The following SCUBE1 variants were observed in gnomAD, a reference collection of about 807,000 sequenced individuals.
SCUBE1 encodes signal peptide, CUB domain and EGF like domain containing 1.
In SCUBE1, 59 loss-of-function variants were observed where a neutral mutation model predicts 124.4. The observed-to-expected ratio is 0.47, with a 90% CI of 0.38 to 0.59. SCUBE1 has a LOEUF of 0.59. Among genes scored for constraint, SCUBE1 ranks in the 20% least tolerant of loss-of-function variants. The probability of loss-of-function intolerance (pLI) is 0.00; values close to 1 mark genes in which losing one functional copy is unlikely to be tolerated. For missense variants in SCUBE1, 1,150 were observed against 1,371.2 expected (o/e 0.84, Z 2.55); for synonymous variants, 545 against 550.9 (o/e 0.99, Z 0.15).
chr22:43,243,762 G>C (rs1923098276), intron 6 of SCUBE1, among the ~76,000 whole-genome samples: 1 of 152,214 alleles, frequency 6.6e-6, no homozygotes, highest in Non-Finnish European at 1.5e-5. Context: ...GTAGCATGGA[G>C]ATGATCATAT....
At position 43,281,650 on chromosome 22, in the gene SCUBE1, G is replaced by A. The variant is rs551551732; in HGVS notation, c.484+9396C>T. Among the ~76,000 whole-genome samples the A allele has an allele frequency of 1.2e-4, 18 of 149,124 alleles. 1 individual carries two copies. The highest frequency in any genetic ancestry group is 1.2e-4 in the Non-Finnish European group (8 of 67,812). ...TGTCACCTCCCCTGGCCATCCTCCCGTCGTCTCCCCCTCAGCCATCCTGCC... is the reference window on the plus strand; with the variant it reads ...TGTCACCTCCCCTGGCCATCCTCCCATCGTCTCCCCCTCAGCCATCCTGCC... On this transcript the variant is annotated intron_variant, in intron 4 of 21. Transcript: ENST00000360835.
At chr22:43,330,626 C>T (rs770531620) in intron 2 of SCUBE1, among the ~76,000 whole-genome samples, 27 of 152,244 alleles carry the variant, frequency 1.8e-4, no homozygotes, top group Non-Finnish European at 3.2e-4. Context: ...CCAGTGCACA[C>T]ACATTTTACG....
chr22:43,313,337 T>C (rs1926234765), intron 3 of SCUBE1, among the ~76,000 whole-genome samples: 1 of 152,194 alleles, frequency 6.6e-6, no homozygotes. Context: ...AAATTCAAAC[T>C]GTGAGCAACT....
chr22:43,283,133 A>C (rs998436139), intron 4 of SCUBE1: 4 of 152,358 alleles, frequency 2.6e-5, no homozygotes, highest in African/African-American at 9.6e-5. Flanking sequence ...GCACATGTAG[A>C]TTTGGGGACC....
In SCUBE1 at chr22:43,279,380, G is replaced by C. The variant is rs534271984; in HGVS notation, c.484+11666C>G. 3.7e-4 allele frequency among the ~76,000 whole-genome samples: 57 copies of C among 152,312 alleles called. 1 individual carries two copies. Among genetic ancestry groups the C allele is most frequent in the African/African-American group, 1.2e-3 (51 of 41,570 alleles). ...GCAGGGCCTCACCTCCAACCACTTA[G>C]GAGGCTGAGTGCCAGCAGGAAAGAA... On this transcript the variant is annotated intron_variant, in intron 4 of 21. Transcript: ENST00000360835.
At chr22:43,217,023 TCCCCACC>T in intron 15 of SCUBE1, among the ~76,000 whole-genome samples, 1 of 56,240 alleles carries the variant, frequency 1.8e-5, no homozygotes, top group Non-Finnish European at 3.1e-5. Flanking sequence ...ACCAACAGCT[TCCCCACC>T]CCGCCAGGTG....
intron 4 of SCUBE1, among the ~76,000 whole-genome samples, chr22:43,271,266 C>T (rs1924282416): frequency 6.6e-6 from 1 of 152,190 alleles, no homozygotes; most frequent in Non-Finnish European, 1.5e-5. Flanking sequence ...CACATTGTCT[C>T]CCTCCCTCCA....
intron 2 of SCUBE1, among the ~76,000 whole-genome samples, chr22:43,334,768 T>A (rs955252720): frequency 6.6e-6 from 1 of 152,230 alleles, no homozygotes; most frequent in African/African-American, 2.4e-5. Context: ...AGTGCTTATA[T>A]ACAGCATCAT....
At chr22:43,333,022 C>T (rs1320006643) in intron 2 of SCUBE1, among the ~76,000 whole-genome samples, 1 of 152,202 alleles carries the variant, frequency 6.6e-6, no homozygotes. Context: ...GGTCCCAGAT[C>T]CGGTCTTTGA....
intron 1 of SCUBE1, among the ~76,000 whole-genome samples, chr22:43,341,275 G>A (rs867594572): frequency 1.3e-5 from 2 of 152,336 alleles, no homozygotes; most frequent in African/African-American, 4.8e-5. Context: ...TGGGCCAGCA[G>A]GAACATCCAT....
intron 3 of SCUBE1, among the ~76,000 whole-genome samples, chr22:43,319,554 A>C (rs1168367429): frequency 9.2e-6 from 1 of 108,944 alleles, no homozygotes; most frequent in Non-Finnish European, 1.9e-5. Flanking sequence ...GCAAGACTCC[A>C]TCTCAAAAAA....
intron 6 of SCUBE1, among the ~76,000 whole-genome samples, chr22:43,254,477 G>A (rs1304169707): frequency 6.6e-6 from 1 of 152,164 alleles, no homozygotes; most frequent in East Asian, 1.9e-4. Flanking sequence ...GGACCTTTAG[G>A]CTCTGACCTT....
chr22:43,248,006 C>A (rs1033838293), intron 6 of SCUBE1, among the ~76,000 whole-genome samples: 2 of 152,182 alleles, frequency 1.3e-5, no homozygotes, highest in Non-Finnish European at 2.9e-5. Flanking sequence ...GGCCAAGAAA[C>A]CTAGGGGAGG....
intron 3 of SCUBE1, among the ~76,000 whole-genome samples, chr22:43,311,135 C>A (rs555895337): frequency 2.0e-4 from 31 of 152,306 alleles, no homozygotes; most frequent in African/African-American, 7.5e-4. Flanking sequence ...TCCTACCCTA[C>A]CCAATGCTGT....
chr22:43,221,610 G>A (rs1482308173), intron 12 of SCUBE1, among the ~76,000 whole-genome samples: 1 of 152,220 alleles, frequency 6.6e-6, no homozygotes, highest in Non-Finnish European at 1.5e-5. Context: ...CTTTAGGAAA[G>A]AGCGTAGAAC....
rs370583891 is a variant in SCUBE1 at position 43,260,751 on chromosome 22, C to T, written c.610+1969G>A. Among the ~76,000 whole-genome samples, 19 of 152,344 alleles carry T rather than the reference C, an allele frequency of 1.2e-4. No individual in the cohort carries two copies. The East Asian group carries it at 3.1e-3, about 25-fold the overall frequency. On this transcript the variant is annotated intron_variant, in intron 5 of 21. Transcript: ENST00000360835. ...GCCACCCACGGAGAGGGTGGGACTG[C>T]TGTTTCTTAAGCCAGCACATATTCC...
chr22:43,209,933 G>A, intron 19 of SCUBE1, 110 bp downstream of exon 19: 2 of 1,193,122 alleles, frequency 1.7e-6, no homozygotes, highest in Non-Finnish European at 2.3e-6. Context: ...GAGCCCCAGG[G>A]CCCTCCTCTC....
intron 3 of SCUBE1, among the ~76,000 whole-genome samples, chr22:43,298,215 C>G (rs1344238900): frequency 6.6e-6 from 1 of 152,228 alleles, no homozygotes; most frequent in Admixed American, 6.5e-5. Flanking sequence ...GGCCTGGGTT[C>G]TGCCAGATCC....
At chr22:43,303,377 C>A (rs992170869) in intron 3 of SCUBE1, among the ~76,000 whole-genome samples, 10 of 152,260 alleles carry the variant, frequency 6.6e-5, no homozygotes, top group Non-Finnish European at 1.3e-4. Context: ...GCATTGGCTC[C>A]CCAGCTGGGC....
Sources: allele counts gnomAD v4.1 joint callset (sites outside exome capture counted in the v4.1 genomes callset), GRCh38; gene constraint gnomAD v4.1.1; transcripts MANE v1.5; gene names NCBI Gene and HGNC (gene_info 2026-07-23, HGNC 2026-07-21).